ADAR: variants seen among roughly 807,000 people sequenced by gnomAD.
The protein encoded by ADAR is double-stranded RNA-specific adenosine deaminase.
A neutral mutation model predicts 113.2 loss-of-function variants in ADAR; 41 were observed. The ratio of observed to expected loss-of-function variants is 0.36; its 90% confidence interval spans 0.28 to 0.47. The LOEUF (loss-of-function observed/expected upper bound fraction) is 0.47, where lower values mean the gene tolerates loss of function less well. Among genes scored for constraint, ADAR ranks in the 20% least tolerant of loss-of-function variants. The pLI is 1.00. For missense variants in ADAR, 1,242 were observed against 1,540.9 expected, an observed-to-expected ratio of 0.81 and a Z score of 3.25; for synonymous variants, 605 against 572.6, an observed-to-expected ratio of 1.06 and a Z score of -0.81.
chr1:154,597,573 AG>A (rs1195033497), intron 4 of ADAR, among the ~76,000 whole-genome samples: 2 of 152,134 alleles, frequency 1.3e-5, no homozygotes, highest in African/African-American at 4.8e-5. Flanking sequence ...TCCCACCAAC[AG>A]TGAGTGACCT....
chr1:154,608,291 A>G (rs578120160), upstream of ADAR: 2 of 484,062 alleles, frequency 4.1e-6, no homozygotes, highest in Admixed American at 4.3e-5. Context: ...GCCGGTTACA[A>G]GTCGAACCCC....
chr1:154,582,833 G>T lies in ADAR; in HGVS notation c.*1973C>A, dbSNP rs1451177827. 6.6e-6 allele frequency: 1 copy of T among 152,264 alleles called. No homozygotes were observed. The highest frequency in any genetic ancestry group is 1.9e-4 in the East Asian group (1 of 5,194). The allele number at this position is 152,264 out of a possible 1,614,324, so 9.4% of individuals were successfully genotyped here. A position where few individuals can be genotyped will look rare whatever the true frequency, so the allele number is the denominator to read the frequency against. On this transcript the variant is annotated 3_prime_UTR_variant, in exon 15 of 15. Coordinates refer to ENST00000368474, the MANE Select transcript of ADAR (RefSeq NM_001111.5). ...TGCCCTGGATGTGGGTGCCAAGACTGATTTACTGTGCCCCCAGCAGACCCA... is the reference window on the plus strand; with the variant it reads ...TGCCCTGGATGTGGGTGCCAAGACTTATTTACTGTGCCCCCAGCAGACCCA...
chr1:154,601,100 G>C lies in ADAR; in HGVS notation c.1542C>G (p.Phe514Leu). The C allele has an allele frequency of 6.2e-7, 1 of 1,614,180 alleles. No homozygotes were observed. Among genetic ancestry groups the C allele is most frequent in the Non-Finnish European group, 8.5e-7 (1 of 1,180,038 alleles). Reference sequence around the variant, plus strand: ...TGTTGAACTCACAGGTTTGACTAGCGAACTGGGCATATTCTAACAGCCCGC... The same window carrying C: ...TGTTGAACTCACAGGTTTGACTAGCCAACTGGGCATATTCTAACAGCCCGC... ...PISGLLEYAQ[F>L]ASQTCEFNMI... is the part of the protein sequence containing the mutation. The change falls in exon 2 of 15, where the codon TTC (phenylalanine) becomes TTG (leucine). Residue 514 changes from phenylalanine to leucine, a missense_variant. Around this residue, in one of 2 missense-constraint regions of ADAR, gnomAD observed 780 missense variants for 1,057.9 expected, o/e 0.74. Coordinates refer to ENST00000368474, the MANE Select transcript of ADAR (RefSeq NM_001111.5). The surrounding 1 kb of genome is among the most constrained non-coding windows in gnomAD (Gnocchi z 4.7).
rs777756035 is a variant in ADAR, at chr1:154,590,301, A to G, written c.2379T>C (p.Ile793=). The change falls in exon 7 of 15, where the codon ATT becomes ATC. Residue 793 remains isoleucine, a synonymous_variant. Transcript: ENST00000368474. The stretch of plus-strand genomic sequence containing the variant: ...TGCGTTCTGCCTTCTCGTTCTCCCC[A>G]ATCAAGACACGGAGAGCCGCATCTG... The part of the protein sequence containing the change: ...EAADAALRVL[I]GENEKAERMG... 1 of 1,614,066 alleles carries G rather than the reference A, an allele frequency of 6.2e-7. No individual in the cohort carries two copies. The highest frequency in any genetic ancestry group is 1.3e-5 in the African/African-American group (1 of 75,000).
chr1:154,603,524 T>C (rs746057692), intron 1 of ADAR, among the ~76,000 whole-genome samples: 1 of 152,102 alleles, frequency 6.6e-6, no homozygotes, highest in African/African-American at 2.4e-5. Context: ...TACTTCCCCA[T>C]AGCTGCTTCC....
upstream of ADAR, chr1:154,608,263 C>A (rs984946981): frequency 4.0e-6 from 2 of 500,654 alleles, no homozygotes; most frequent in East Asian, 3.6e-5. Context: ...GCAAATCTTG[C>A]GCCACGCTTG....
chr1:154,585,709 A>G, intron 13 of ADAR, 44 bp downstream of exon 13: 1 of 1,526,392 alleles, frequency 6.6e-7, no homozygotes, highest in South Asian at 1.1e-5. Context: ...TGACTGCTTG[A>G]AAAGGAGGAA....
At chr1:154,623,459 G>C (rs914564580) in intron 1 of ADAR, among the ~76,000 whole-genome samples, 1 of 152,276 alleles carries the variant, frequency 6.6e-6, no homozygotes. Context: ...ACACATGTGT[G>C]CATACACACA....
rs1030546987 is a variant in ADAR at position 154,584,812 on chromosome 1, T to C, written c.3675A>G (p.Pro1225=). ...CATCTGTCACTGGAGCATACTATAC[T>C]GGGCAGAGATAAAAGTTCTTTTCCT... ...PQEEKNFYLC[P]V The change falls in exon 15 of 15, where the codon CCA becomes CCG. Residue 1225 remains proline, a synonymous_variant. Transcript: ENST00000368474. 1.2e-6 allele frequency: 2 copies of C among 1,613,000 alleles called. No homozygotes were observed. The highest frequency in any genetic ancestry group is 2.7e-5 in the African/African-American group (2 of 75,026).
chr1:154,617,656 T>G (rs1234472791), intron 1 of ADAR, among the ~76,000 whole-genome samples: 1 of 152,198 alleles, frequency 6.6e-6, no homozygotes, highest in Non-Finnish European at 1.5e-5. Context: ...GATGCACTGC[T>G]TTTTACATCC....
rs1466731 is a variant in ADAR, at chr1:154,602,344, T to A, written c.298A>T (p.Arg100Ter). 6.2e-7 allele frequency: 1 copy of A among 1,609,884 alleles called. No homozygotes were observed. Among genetic ancestry groups the A allele is most frequent in the Non-Finnish European group, 8.5e-7 (1 of 1,177,730 alleles). The change falls in exon 2 of 15, where the codon AGA (arginine) becomes TGA (stop). Residue 100 changes from arginine (R) to a stop codon, truncating the protein, a stop_gained. Transcript: ENST00000368474. LOFTEE classifies it high-confidence loss of function. Reference protein sequence around the residue: ...IRGVPRGVHLRSQGLQRGFQH... With the variant: ...IRGVPRGVHL ...AACCCTCTCTGGAGCCCCTGACTTCTGAGATGCACGCCCCTGGGGACACCC... is the reference window on the plus strand; with the variant it reads ...AACCCTCTCTGGAGCCCCTGACTTCAGAGATGCACGCCCCTGGGGACACCC...
At position 154,589,796 on chromosome 1, in the gene ADAR, C is replaced by T; in HGVS notation, c.2629G>A (p.Asp877Asn). 1 of 1,614,102 alleles carries T rather than the reference C, an allele frequency of 6.2e-7. No individual in the cohort carries two copies. The highest frequency in any genetic ancestry group is 1.1e-5 in the South Asian group (1 of 91,080). Residue 877 changes from aspartate (D) to asparagine (N), a missense_variant, in exon 8 of 15, where the codon GAC becomes AAC. Physicochemically the swap from Asp to Asn is conservative, Grantham distance 23 (BLOSUM62 1). Transcript: ENST00000368474. ...ACGACGACACCCATGTCCTCAGAGT[C>T]TTTTTTCATAATGATGGCGGCCAGA... ...KILAAIIMKKDSEDMGVVVSL... is the reference protein window; with the variant it reads ...KILAAIIMKKNSEDMGVVVSL...
chr1:154,593,721 T>C (rs758994944), intron 6 of ADAR, among the ~76,000 whole-genome samples: 22 of 152,346 alleles, frequency 1.4e-4, no homozygotes, highest in Non-Finnish European at 2.2e-4. Context: ...TTGGGTCATG[T>C]TGGGCAAAGG....
chr1:154,613,710 G>A (rs1698553377), intron 1 of ADAR, among the ~76,000 whole-genome samples: 2 of 151,956 alleles, frequency 1.3e-5, no homozygotes, highest in African/African-American at 2.4e-5. Flanking sequence ...TTCGAGACCC[G>A]CCTGACTAAC....
At position 154,596,851 on chromosome 1, in the gene ADAR, C is replaced by T. The variant is rs2101619298; in HGVS notation, c.2224G>A (p.Ala742Thr). 1.9e-6 allele frequency: 3 copies of T among 1,614,042 alleles called. No individual in the cohort carries two copies. Among genetic ancestry groups the T allele is most frequent in the Non-Finnish European group, 2.5e-6 (3 of 1,180,030 alleles). ...GACTGGTCGACCAACTTGAATTCAG[C>T]AGCAAAGCCATGGGAGCGGGCGTAC... is the stretch of plus-strand genomic sequence containing the variant. ...LEYARSHGFA[A>T]EFKLVDQSGP... The change falls in exon 6 of 15, where the codon GCT (alanine) becomes ACT (threonine). Residue 742 changes from alanine to threonine, a missense_variant. Physicochemically the swap from Ala to Thr is moderately conservative, Grantham distance 58 (BLOSUM62 0). Transcript: ENST00000368474.
chr1:154,585,886 CAT>C (rs776299280), intron 12 of ADAR, 21 bp from the exon 13 acceptor site: 1 of 1,594,652 alleles, frequency 6.3e-7, no homozygotes, highest in Admixed American at 1.7e-5. Context: ...AAAAGAGAAA[CAT>C]ATATACCTGT....
rs115444035 is a variant in ADAR at position 154,617,066 on chromosome 1, G to A, written c.-871+10789C>T. On this transcript the variant is annotated intron_variant, in intron 1 of 14. Coordinates refer to the ADAR transcript ENST00000368471. ...GGACTTCTACCAAAACAATGACTGG[G>A]GCACTATTATCCTGACTCATAGACA... Among the ~76,000 whole-genome samples the A allele has an allele frequency of 9.0e-3, 1,376 of 152,260 alleles. 14 individuals carry two copies. The highest frequency in any genetic ancestry group is 0.032 in the African/African-American group (1,327 of 41,540).
upstream of ADAR, among the ~76,000 whole-genome samples, chr1:154,612,414 G>A (rs905422283): frequency 1.6e-5 from 2 of 124,082 alleles, no homozygotes; most frequent in Non-Finnish European, 3.2e-5. Flanking sequence ...TGCAAGCTCC[G>A]CCTCCTGGGT....
chr1:154,612,352 G>C (rs1360096081), upstream of ADAR, among the ~76,000 whole-genome samples: 1 of 110,030 alleles, frequency 9.1e-6, no homozygotes. Flanking sequence ...TTTTGAGATG[G>C]AGTCTGGCTC....
Sources: allele counts gnomAD v4.1 joint callset (sites outside exome capture counted in the v4.1 genomes callset), GRCh38; gene constraint gnomAD v4.1.1; regional missense constraint gnomAD v4.1.1; non-coding constraint Gnocchi (gnomAD v3.1); transcripts MANE v1.5; gene names NCBI Gene and HGNC (gene_info 2026-07-23, HGNC 2026-07-21).